ALPL: variants seen among roughly 807,000 people sequenced by gnomAD.
ALPL encodes alkaline phosphatase, biomineralization associated.
In ALPL, 42 loss-of-function variants were observed where a neutral mutation model predicts 51.3. That is an observed-to-expected ratio of 0.82 (90% CI 0.64 to 1.06). The LOEUF is 1.06. Among genes scored for constraint, ALPL ranks in the 50% least tolerant of loss-of-function variants. The pLI is 0.00. For synonymous variants in ALPL, 279 were observed against 296.4 expected (o/e 0.94, Z 0.60); for missense variants, 589 against 709.4 (o/e 0.83, Z 1.93).
Position 21,534,880 on chromosome 1 carries a change from T to G in ALPL, c.-104-19098T>G, listed in dbSNP as rs77476496. ...TCATTGCAAGGCCACAGTGAAATGA[T>G]TTCTTGGTGAGACCTTCTCTGATCT... On this transcript the variant is annotated intron_variant, in intron 1 of 11. Coordinates refer to ENST00000374840, the MANE Select transcript of ALPL (RefSeq NM_000478.6). 6.6e-5 allele frequency among the ~76,000 whole-genome samples: 10 copies of G among 152,332 alleles called. No individual in the cohort carries two copies. In the East Asian group the frequency reaches 1.9e-3, roughly 29 times the overall value.
chr1:21,556,167 C>A (rs1027434761), intron 2 of ALPL, among the ~76,000 whole-genome samples: 4 of 152,142 alleles, frequency 2.6e-5, no homozygotes, highest in Admixed American at 2.6e-4. Context: ...TAATTCTAGG[C>A]CAGTTTTTAT....
chr1:21,540,079 C>T (rs1290476274), intron 1 of ALPL, among the ~76,000 whole-genome samples: 1 of 152,172 alleles, frequency 6.6e-6, no homozygotes, highest in Non-Finnish European at 1.5e-5. Context: ...GCGAACACCG[C>T]AGATGTAGTG....
chr1:21,510,531 C>T (rs1479153932), intron 1 of ALPL, among the ~76,000 whole-genome samples: 1 of 152,158 alleles, frequency 6.6e-6, no homozygotes, highest in Non-Finnish European at 1.5e-5. Flanking sequence ...GCCTACCGTG[C>T]GTAGAGGGAC....
intron 1 of ALPL, among the ~76,000 whole-genome samples, chr1:21,526,952 A>G (rs1643952233): frequency 6.6e-6 from 1 of 151,946 alleles, no homozygotes; most frequent in Non-Finnish European, 1.5e-5. Context: ...ATGATGTCAC[A>G]TGAAAATTGT....
intron 1 of ALPL, among the ~76,000 whole-genome samples, chr1:21,524,836 G>A (rs1316047705): frequency 5.9e-5 from 9 of 152,216 alleles, no homozygotes; most frequent in Non-Finnish European, 2.9e-5. Flanking sequence ...TCCCCTGCGC[G>A]ATTCCTGGGG....
intron 1 of ALPL, among the ~76,000 whole-genome samples, chr1:21,515,434 G>T (rs1490554120): frequency 6.6e-6 from 1 of 152,170 alleles, no homozygotes; most frequent in Non-Finnish European, 1.5e-5. Context: ...TGTTCCCCAG[G>T]CTGGAGTGCA....
At chr1:21,515,588 C>T (rs1444674602) in intron 1 of ALPL, among the ~76,000 whole-genome samples, 2 of 152,178 alleles carry the variant, frequency 1.3e-5, no homozygotes, top group Admixed American at 1.3e-4. Context: ...ATGGTTTTGC[C>T]ATGTCGGCCA....
intron 1 of ALPL, among the ~76,000 whole-genome samples, chr1:21,522,507 C>T (rs1643893960): frequency 6.6e-6 from 1 of 152,106 alleles, no homozygotes; most frequent in Non-Finnish European, 1.5e-5. Flanking sequence ...GTGTCACGTG[C>T]AAATATTTTA....
chr1:21,529,735 A>G (rs1278182510), intron 1 of ALPL, among the ~76,000 whole-genome samples: 3 of 151,982 alleles, frequency 2.0e-5, no homozygotes, highest in African/African-American at 4.8e-5. Flanking sequence ...TTTCTTTTGC[A>G]TGTTTCTCAC....
At chr1:21,533,571 C>A (rs1023981572) in intron 1 of ALPL, among the ~76,000 whole-genome samples, 1 of 152,146 alleles carries the variant, frequency 6.6e-6, no homozygotes, top group Non-Finnish European at 1.5e-5. Context: ...CAGGACTTAA[C>A]CCCAGGTCCA....
chr1:21,545,553 A>G (rs1169952351), intron 1 of ALPL, among the ~76,000 whole-genome samples: 1 of 151,936 alleles, frequency 6.6e-6, no homozygotes, highest in African/African-American at 2.4e-5. Context: ...AGCCTCCCAA[A>G]GTGCTGGGAT....
intron 8 of ALPL, among the ~76,000 whole-genome samples, chr1:21,573,008 T>C (rs1238818716): frequency 2.0e-5 from 3 of 152,204 alleles, no homozygotes; most frequent in African/African-American, 7.2e-5. Flanking sequence ...GACTGACTGA[T>C]GGATTTGAAC....
At chr1:21,512,943 G>T (rs1421073365) in intron 1 of ALPL, among the ~76,000 whole-genome samples, 1 of 152,126 alleles carries the variant, frequency 6.6e-6, no homozygotes, top group East Asian at 1.9e-4. Context: ...TTAATTGTAG[G>T]ATGGTGGTTA....
intron 1 of ALPL, among the ~76,000 whole-genome samples, chr1:21,522,298 T>C (rs917959208): frequency 1.3e-4 from 20 of 152,116 alleles, no homozygotes; most frequent in African/African-American, 3.9e-4. Context: ...ATGGTCTCCA[T>C]CTCCTGACTT....
intron 1 of ALPL, 90 bp from the exon 2 acceptor site, chr1:21,553,888 T>A: frequency 1.6e-6 from 1 of 632,640 alleles, no homozygotes; most frequent in Non-Finnish European, 2.9e-6. Context: ...CGAATACTTG[T>A]TGAATGAATC....
At chr1:21,536,734 C>G (rs571906384) in intron 1 of ALPL, among the ~76,000 whole-genome samples, 2 of 152,034 alleles carry the variant, frequency 1.3e-5, no homozygotes, top group South Asian at 2.1e-4. Flanking sequence ...GGGGGAGGGT[C>G]ACTTCCCAAG....
chr1:21,570,749 A>T (rs1235585449), intron 8 of ALPL, among the ~76,000 whole-genome samples: 1 of 152,174 alleles, frequency 6.6e-6, no homozygotes, highest in African/African-American at 2.4e-5. Flanking sequence ...TACTGTGTGC[A>T]TGGCCAGGGC....
At chr1:21,573,496 A>T (rs914307750) in intron 8 of ALPL, among the ~76,000 whole-genome samples, 169 bp from the exon 9 acceptor site, 5 of 151,816 alleles carry the variant, frequency 3.3e-5, no homozygotes, top group Admixed American at 1.3e-4. Context: ...TTGGGGGCCT[A>T]ATTCTGGGCC....
chr1:21,536,483 G>A (rs1020738471), intron 1 of ALPL, among the ~76,000 whole-genome samples: 6 of 152,216 alleles, frequency 3.9e-5, no homozygotes, highest in African/African-American at 1.4e-4. Context: ...AGGATGTTCA[G>A]AGGAAGGCTT....
Sources: allele counts gnomAD v4.1 joint callset (sites outside exome capture counted in the v4.1 genomes callset), GRCh38; gene constraint gnomAD v4.1.1; transcripts MANE v1.5; gene names NCBI Gene and HGNC (gene_info 2026-07-23, HGNC 2026-07-21).